The following SV2C variants were observed in gnomAD, a reference collection of about 807,000 sequenced individuals.
The protein encoded by SV2C is synaptic vesicle glycoprotein 2C, also known as solute carrier family 22 member B3.
Under a neutral mutation model 79.7 loss-of-function variants are expected in SV2C, and 49 were observed. That is an observed-to-expected ratio of 0.61 (90% CI 0.49 to 0.78). SV2C has a LOEUF of 0.78. Among genes scored for constraint, SV2C ranks in the 30% least tolerant of loss-of-function variants. SV2C has a pLI of 0.00. For synonymous variants in SV2C, 334 were observed against 333.2 expected (o/e 1.00, Z -0.03); for missense variants, 833 against 912.9 (o/e 0.91, Z 1.13).
chr5:76,271,387 C>T (rs986228822), intron 4 of SV2C, among the ~76,000 whole-genome samples: 6 of 151,996 alleles, frequency 3.9e-5, no homozygotes, highest in Non-Finnish European at 5.9e-5. Context: ...AAAAAACAAC[C>T]GAAAAGAGTT....
At chr5:76,292,634 T>C (rs1747604737) in intron 8 of SV2C, among the ~76,000 whole-genome samples, 2 of 152,130 alleles carry the variant, frequency 1.3e-5, no homozygotes, top group African/African-American at 2.4e-5. Flanking sequence ...CTGGGCAACA[T>C]ATCAAGACCC....
the SV2C span, among the ~76,000 whole-genome samples, chr5:75,941,331 C>A: frequency 6.6e-6 from 1 of 152,222 alleles, no homozygotes; most frequent in East Asian, 1.9e-4. Context: ...GATTTATCTA[C>A]AACTTCTAAA....
At chr5:75,902,684 T>G in the SV2C span, among the ~76,000 whole-genome samples, 1 of 146,826 alleles carries the variant, frequency 6.8e-6, no homozygotes, top group East Asian at 1.9e-4. Flanking sequence ...TAGTGCAGAC[T>G]TTTATGTCTT....
intron 2 of SV2C, among the ~76,000 whole-genome samples, chr5:76,191,832 A>T (rs558320917): frequency 6.6e-6 from 1 of 152,334 alleles, no homozygotes; most frequent in South Asian, 2.1e-4. Context: ...GTCAGGTTCA[A>T]CCTCCTGAAA....
chr5:76,049,015 GAAAGAAAGAAAA>G, the SV2C span, among the ~76,000 whole-genome samples: 4 of 90,288 alleles, frequency 4.4e-5, no homozygotes, highest in African/African-American at 1.5e-4. Flanking sequence ...AAGAAAGAAA[GAAAGAAAGAAAA>G]AGAAAAGAGG....
At chr5:76,126,063 A>G (rs986660137) in intron 1 of SV2C, among the ~76,000 whole-genome samples, 2 of 152,082 alleles carry the variant, frequency 1.3e-5, no homozygotes, top group African/African-American at 4.8e-5. Context: ...AAAAACAAAC[A>G]AAAAACCCAA....
chr5:75,906,030 T>C, the SV2C span, among the ~76,000 whole-genome samples: 1 of 150,836 alleles, frequency 6.6e-6, no homozygotes, highest in Non-Finnish European at 1.5e-5. Flanking sequence ...CGTGTGATGA[T>C]GAGAGTGGAG....
intron 3 of SV2C, among the ~76,000 whole-genome samples, chr5:76,196,109 A>T (rs528198496): frequency 6.6e-6 from 1 of 152,278 alleles, no homozygotes; most frequent in Admixed American, 6.5e-5. Flanking sequence ...CATCACCACA[A>T]CCTACAAAGC....
At chr5:76,023,207 G>A in the SV2C span, among the ~76,000 whole-genome samples, 1 of 152,074 alleles carries the variant, frequency 6.6e-6, no homozygotes, top group Non-Finnish European at 1.5e-5. Context: ...AGTCTGTCAG[G>A]TGACCTCTAC....
the SV2C span, among the ~76,000 whole-genome samples, chr5:75,990,439 C>T: frequency 1.3e-5 from 2 of 151,954 alleles, no homozygotes; most frequent in East Asian, 1.9e-4. Context: ...ATGTGCACTG[C>T]GTGAGTTAAT....
At chr5:75,880,070 G>A in the SV2C span, among the ~76,000 whole-genome samples, 3 of 152,192 alleles carry the variant, frequency 2.0e-5, no homozygotes, top group Non-Finnish European at 4.4e-5. Flanking sequence ...GGGGAGCAGT[G>A]TTCTGGGGTG....
chr5:76,005,475 A>C, the SV2C span, among the ~76,000 whole-genome samples: 1 of 152,184 alleles, frequency 6.6e-6, no homozygotes, highest in Non-Finnish European at 1.5e-5. Context: ...TTTTCCCTGA[A>C]CAATGTTTTC....
chr5:76,136,422 A>G (rs1169991601), intron 2 of SV2C, among the ~76,000 whole-genome samples: 1 of 152,226 alleles, frequency 6.6e-6, no homozygotes, highest in African/African-American at 2.4e-5. Context: ...GGCAAAGTAC[A>G]TTGAGAGGAT....
At chr5:76,261,661 G>A (rs761962303) in intron 4 of SV2C, among the ~76,000 whole-genome samples, 1 of 152,072 alleles carries the variant, frequency 6.6e-6, no homozygotes, top group Admixed American at 6.5e-5. Flanking sequence ...AAGGAGTGTC[G>A]AATTTTATCA....
intron 1 of SV2C, among the ~76,000 whole-genome samples, chr5:76,098,568 T>C (rs762358920): frequency 9.2e-5 from 14 of 152,230 alleles, no homozygotes; most frequent in Non-Finnish European, 1.9e-4. Context: ...AGCTAATTGT[T>C]TTCCCAAACA....
At chr5:75,866,793 G>A in the SV2C span, among the ~76,000 whole-genome samples, 1 of 152,160 alleles carries the variant, frequency 6.6e-6, no homozygotes, top group Non-Finnish European at 1.5e-5. Flanking sequence ...GAAAAGTTAG[G>A]TTAGTTTCTA....
chr5:76,042,111 T>G, the SV2C span, among the ~76,000 whole-genome samples: 1 of 152,230 alleles, frequency 6.6e-6, no homozygotes, highest in Non-Finnish European at 1.5e-5. Flanking sequence ...CTGGTTACTC[T>G]GGATGTTGTA....
chr5:75,995,301 A>C, the SV2C span, among the ~76,000 whole-genome samples: 4 of 152,044 alleles, frequency 2.6e-5, no homozygotes, highest in African/African-American at 4.8e-5. Flanking sequence ...TTCTCATTAC[A>C]TTATTGCTCT....
chr5:76,142,192 G>A lies in SV2C; in HGVS notation c.580+9862G>A, dbSNP rs184340638. Among the ~76,000 whole-genome samples the A allele has an allele frequency of 3.1e-3, 468 of 152,162 alleles. 3 individuals carry two copies. The highest frequency in any genetic ancestry group is 4.9e-3 in the Non-Finnish European group (336 of 68,000). On this transcript the variant is annotated intron_variant, in intron 2 of 12. Transcript: ENST00000502798. ...CCCTAAATTTAGAAATTTCTTTTTGGCCTGTAAGATTGTGAGAGAAAAAGT... is the reference window on the plus strand; with the variant it reads ...CCCTAAATTTAGAAATTTCTTTTTGACCTGTAAGATTGTGAGAGAAAAAGT...
Sources: gnomAD v4.1 joint callset for allele counts (sites outside exome capture counted in the v4.1 genomes callset) on GRCh38, gnomAD v4.1.1 for gene constraint, MANE v1.5 for transcripts, NCBI Gene and HGNC (gene_info 2026-07-23, HGNC 2026-07-21) for gene names.